The following PCDHA3 variants were observed in gnomAD, a reference collection of about 807,000 sequenced individuals.
PCDHA3 encodes the protein protocadherin alpha-3.
In PCDHA3, 41 loss-of-function variants were observed where a neutral mutation model predicts 62.2. That is an observed-to-expected ratio of 0.66 (90% CI 0.51 to 0.86). PCDHA3 has a LOEUF of 0.86. PCDHA3 is among the 40% of genes least tolerant of loss of function. PCDHA3 has a pLI of 0.00. For synonymous variants in PCDHA3, 640 were observed against 555.4 expected, an observed-to-expected ratio of 1.15 and a Z score of -2.14; for missense variants, 1,304 against 1,241.2, an observed-to-expected ratio of 1.05 and a Z score of -0.76.
chr5:140,837,640 T>C (rs1438744422), intron 1 of PCDHA3, among the ~76,000 whole-genome samples: 1 of 151,670 alleles, frequency 6.6e-6, no homozygotes, highest in Non-Finnish European at 1.5e-5. Flanking sequence ...TTCCTTTCTT[T>C]CTTTCTTTCT....
chr5:140,997,133 C>A (rs1554255761), intron 3 of PCDHA3, among the ~76,000 whole-genome samples: 3 of 152,090 alleles, frequency 2.0e-5, no homozygotes, highest in Non-Finnish European at 4.4e-5. Flanking sequence ...ACAATGCCCC[C>A]ACACCCCCGC....
chr5:140,871,635 A>G, intron 1 of PCDHA3: 1 of 1,364,150 alleles, frequency 7.3e-7, no homozygotes, highest in Non-Finnish European at 9.8e-7. Context: ...ATGTCTGTTC[A>G]TAAAATACCA....
chr5:140,993,943 A>C (rs1055382423), intron 3 of PCDHA3, among the ~76,000 whole-genome samples: 1 of 152,220 alleles, frequency 6.6e-6, no homozygotes, highest in Admixed American at 6.5e-5. Flanking sequence ...CCCCATTGTT[A>C]AGTGATACAT....
At chr5:140,823,015 C>T (rs2150121299) in intron 1 of PCDHA3, 6 of 1,614,106 alleles carry the variant, frequency 3.7e-6, no homozygotes, top group East Asian at 2.2e-5. Flanking sequence ...CGCCCTGGAC[C>T]GCGAGAGCGT....
chr5:140,830,745 T>G (rs1375923138), intron 1 of PCDHA3: 1 of 192,554 alleles, frequency 5.2e-6, no homozygotes, highest in Non-Finnish European at 1.1e-5. Context: ...TGTCGTTTTC[T>G]GTTGCATTTT....
intron 1 of PCDHA3, among the ~76,000 whole-genome samples, chr5:140,898,053 A>C (rs1444652933): frequency 1.3e-5 from 2 of 151,746 alleles, no homozygotes; most frequent in Admixed American, 1.3e-4. Context: ...TTTTTCTTGT[A>C]AATTTGTTTG....
In PCDHA3 at chr5:140,875,548, G is replaced by A. The variant is rs782463775; in HGVS notation, c.2394+71957G>A. On this transcript the variant is annotated intron_variant, in intron 1 of 3. Coordinates refer to ENST00000522353, the MANE Select transcript of PCDHA3 (RefSeq NM_018906.3). ...GCTTCTGCTCCTTGCAGCCTGGGAG[G>A]TGGGGAGCGGCCAGCTCCACTACTC... 24 of 1,614,054 alleles carry A rather than the reference G, an allele frequency of 1.5e-5. 1 individual carries two copies. The Admixed American group carries it at 3.5e-4, about 24-fold the overall frequency.
intron 1 of PCDHA3, chr5:140,966,420 G>C (rs2096000872): frequency 2.4e-6 from 1 of 421,302 alleles, no homozygotes; most frequent in South Asian, 1.0e-4. Flanking sequence ...AGCAGGACTT[G>C]CTGAGCCCTC....
intron 3 of PCDHA3, among the ~76,000 whole-genome samples, chr5:141,006,017 G>A (rs139294218): frequency 1.3e-5 from 2 of 151,190 alleles, no homozygotes; most frequent in African/African-American, 4.8e-5. Context: ...TATGGTTGGA[G>A]TATAATAGTA....
chr5:140,980,545 G>A lies in PCDHA3; in HGVS notation c.2453+1538G>A, dbSNP rs190037193. ...CTAGGGAGGCTGAGGCAGGAGAATC[G>A]CTTGAACCCGGGAGGCGGAAGTTGC... On this transcript the variant is annotated intron_variant, in intron 2 of 3. Transcript: ENST00000522353. 4.1e-3 allele frequency among the ~76,000 whole-genome samples: 627 copies of A among 152,232 alleles called. 4 individuals are homozygous for A. Among genetic ancestry groups the A allele is most frequent in the Non-Finnish European group, 6.8e-3 (460 of 67,996 alleles).
rs189730532 is a variant in PCDHA3, at chr5:140,870,328, G to T, written c.2394+66737G>T. 1.5e-5 allele frequency: 24 copies of T among 1,614,208 alleles called. 2 individuals carry two copies. In the East Asian group the frequency reaches 4.7e-4, roughly 31 times the overall value. Reference sequence around the variant, plus strand: ...CAAGAATTACTACTCGTTGGTGCTGGACAGCGCCCTGGACCGCGAGAACGT... The same window carrying T: ...CAAGAATTACTACTCGTTGGTGCTGTACAGCGCCCTGGACCGCGAGAACGT... On this transcript the variant is annotated intron_variant, in intron 1 of 3. Transcript: ENST00000522353.
chr5:140,876,313 A>T, intron 1 of PCDHA3: 1 of 1,614,022 alleles, frequency 6.2e-7, no homozygotes, highest in East Asian at 2.2e-5. Flanking sequence ...TTCCTATGGG[A>T]TCAAAATGAT....
chr5:140,979,006 A>G lies in PCDHA3; in HGVS notation c.2452A>G (p.Ser818Gly), dbSNP rs149397164. ...TGCCTCCCTGAGAGCAGGCATGCAC[A>G]GGTATGTATTTCCCTCCTCATTCAC... ...YSASLRAGMH[S>G]SVHLEEAGIL... Residue 818 changes from serine (S) to glycine (G), a missense_variant and splice_region_variant, in exon 2 of 4, where the codon AGC becomes GGC. Ser to Gly is a moderately conservative substitution (Grantham distance 56). Coordinates refer to ENST00000522353, the MANE Select transcript of PCDHA3 (RefSeq NM_018906.3). The G allele has an allele frequency of 4.3e-6, 7 of 1,614,000 alleles. No individual in the cohort carries two copies. The highest frequency in any genetic ancestry group is 5.1e-6 in the Non-Finnish European group (6 of 1,179,938).
chr5:140,849,023 G>C (rs2150428994), intron 1 of PCDHA3: 1 of 1,586,580 alleles, frequency 6.3e-7, no homozygotes, highest in East Asian at 2.2e-5. Flanking sequence ...GCCCCAATGA[G>C]TATTTCTTCC....
chr5:140,823,863 C>T, intron 1 of PCDHA3: 1 of 1,613,882 alleles, frequency 6.2e-7, no homozygotes, highest in Non-Finnish European at 8.5e-7. Context: ...TGGATGTCAA[C>T]GTGTACCTGA....
chr5:140,947,760 A>G (rs1332466215), intron 1 of PCDHA3, among the ~76,000 whole-genome samples: 1 of 151,618 alleles, frequency 6.6e-6, no homozygotes, highest in Admixed American at 6.6e-5. Context: ...TTATGGTTTA[A>G]AAAATTCTAT....
Position 140,927,380 on chromosome 5 carries a change from T to A in PCDHA3, c.2395-51569T>A, listed in dbSNP as rs1245076146. 1 of 1,614,198 alleles carries A rather than the reference T, an allele frequency of 6.2e-7. No individual in the cohort carries two copies. Among genetic ancestry groups the A allele is most frequent in the African/African-American group, 1.3e-5 (1 of 75,060 alleles). On this transcript the variant is annotated intron_variant, in intron 1 of 3. Transcript: ENST00000522353. ...AGCAATGGGATACTAAGCTACAGCCTAAGCCCCAGTCAGCACTTTCGCCTG... is the reference window on the plus strand; with the variant it reads ...AGCAATGGGATACTAAGCTACAGCCAAAGCCCCAGTCAGCACTTTCGCCTG...
intron 1 of PCDHA3, among the ~76,000 whole-genome samples, chr5:140,886,029 T>C (rs1464446627): frequency 1.3e-5 from 2 of 152,180 alleles, no homozygotes; most frequent in Non-Finnish European, 2.9e-5. Context: ...TATTCTTCAC[T>C]AAGTTTTCCC....
At chr5:140,811,900 G>A (rs1259362613) in intron 1 of PCDHA3, 1 of 152,042 alleles carries the variant, frequency 6.6e-6, no homozygotes, top group Non-Finnish European at 1.5e-5. Flanking sequence ...CTGGATATTA[G>A]CCCTTTGTCA....
Sources: allele counts gnomAD v4.1 joint callset (sites outside exome capture counted in the v4.1 genomes callset), GRCh38; gene constraint gnomAD v4.1.1; transcripts MANE v1.5; gene names NCBI Gene and HGNC (gene_info 2026-07-23, HGNC 2026-07-21).